NT5DC4: variants seen among roughly 807,000 people sequenced by gnomAD.
NT5DC4 encodes the protein 5'-nucleotidase domain-containing protein 4.
NT5DC4 carries 44 observed loss-of-function variants against 26.6 expected under a neutral mutation model. The ratio of observed to expected loss-of-function variants is 1.65; its 90% CI spans 1.30 to 2.13. The LOEUF is 2.13. Among genes scored for constraint, NT5DC4 ranks in the 30% most tolerant of loss-of-function variants. NT5DC4 has a pLI of 0.00. For synonymous variants in NT5DC4, 157 were observed against 86.7 expected (o/e 1.81, Z -4.51); for missense variants, 399 against 228.1 (o/e 1.75, Z -4.83).
At chr2:112,731,221 T>G (rs1206135854) in intron 16 of NT5DC4, 1 of 151,800 alleles carries the variant, frequency 6.6e-6, no homozygotes, top group Non-Finnish European at 1.5e-5. Context: ...AAAAAGCAAC[T>G]GTATTGAAAT....
chr2:112,734,197 G>GTGTGTGTT (rs1553437338), intron 16 of NT5DC4, among the ~76,000 whole-genome samples: 2 of 151,972 alleles, frequency 1.3e-5, no homozygotes, highest in African/African-American at 4.8e-5. Flanking sequence ...GTGTGTGTGT[G>GTGTGTGTT]TGTGTACATT....
Position 112,726,700 on chromosome 2 carries a change from G to A in NT5DC4, c.1228G>A (p.Glu410Lys). The A allele has an allele frequency of 1.4e-6, 1 of 717,524 alleles. No individual in the cohort carries two copies. The allele number at this position is 717,524 out of a possible 1,614,324, so 44.4% of individuals were successfully genotyped here. A position where few individuals can be genotyped will look rare whatever the true frequency, so the allele number is the denominator to read the frequency against. Residue 410 changes from glutamate (E) to lysine (K), a missense_variant, in exon 15 of 17, where the codon GAG (glutamate) becomes AAG (lysine). By Grantham distance (56) the Glu-to-Lys change is moderately conservative. Transcript: ENST00000688554. ...CAGGCACATGGATGGGAGCAGTTGT[G>A]AGCTGCAAGTCATCAACTTCACCAA... ...IYQHMDGSSC[E>K]LQVINFTKRE...
chr2:112,720,965 C>T (rs775763468), upstream of NT5DC4, among the ~76,000 whole-genome samples: 1 of 152,208 alleles, frequency 6.6e-6, no homozygotes, highest in African/African-American at 2.4e-5. Flanking sequence ...AGGGTGGGGC[C>T]AGCTGGGTCA....
At chr2:112,719,973 TC>T (rs1553430346), upstream of NT5DC4, among the ~76,000 whole-genome samples, 3 of 95,656 alleles carry the variant, frequency 3.1e-5, no homozygotes, top group East Asian at 3.0e-4. Context: ...TTTCTTTCTT[TC>T]TTTCTTTCTT....
At position 112,723,752 on chromosome 2, in the gene NT5DC4, GA is replaced by G; in HGVS notation, c.707del (p.Glu236GlyfsTer20). On this transcript the variant is annotated frameshift_variant, in exon 9 of 17. Transcript: ENST00000688554. LOFTEE classifies it high-confidence loss of function. ...CCCCATCCTGCTGGGGAAGATGAAG[GA>G]GGTTGGGAAAGTGTTTCTGGCCACC... is the stretch of plus-strand genomic sequence containing the variant. Reference protein sequence around the residue: ...RLPILLGKMKEVGKVFLATNS... With the variant: ...RLPILLGKMKXVGKVFLATNS... The G allele has an allele frequency of 1.4e-6, 1 of 717,290 alleles. No homozygotes were observed. The highest frequency in any genetic ancestry group is 2.6e-6 in the Non-Finnish European group (1 of 385,064). The allele number at this position is 717,290 out of a possible 1,614,324, so 44.4% of individuals were successfully genotyped here.
intron 7 of NT5DC4, 116 bp downstream of exon 7, chr2:112,723,290 G>A (rs1677186557): frequency 2.8e-6 from 2 of 706,832 alleles, no homozygotes; most frequent in Non-Finnish European, 5.3e-6. Flanking sequence ...TGAGGACTGA[G>A]GTCTGGTCTG....
upstream of NT5DC4, among the ~76,000 whole-genome samples, chr2:112,719,963 TTTCTTTCTTTC>T (rs1558715343): frequency 4.7e-3 from 616 of 130,166 alleles, 6 homozygotes; most frequent in African/African-American, 6.6e-3. Flanking sequence ...TCTTTCTTTC[TTTCTTTCTTTC>T]TTTCTTTCTT....
At chr2:112,736,496 CTTAT>C (rs761105130) in intron 16 of NT5DC4, 5 of 152,264 alleles carry the variant, frequency 3.3e-5, no homozygotes, top group African/African-American at 7.2e-5. Context: ...CTAAAATCTA[CTTAT>C]TTAACAAAAA....
At chr2:112,729,526 G>A (rs1013300939) in intron 15 of NT5DC4, 101 bp from the exon 16 acceptor site, 2 of 684,494 alleles carry the variant, frequency 2.9e-6, no homozygotes, top group African/African-American at 3.5e-5. Flanking sequence ...TGGGCAGGAA[G>A]TTGGCAGCTG....
At position 112,724,945 on chromosome 2, in the gene NT5DC4, G is replaced by GCAGC. The variant is rs1411483992; in HGVS notation, c.915+41_915+44dup. On this transcript the variant is annotated intron_variant, in intron 11 of 16. Coordinates refer to ENST00000688554, the MANE Select transcript of NT5DC4 (RefSeq NM_001393655.1). ...CACCCATGGACCACGGTTGGGGAGGGCAGCCTGCCTGCCCCTTAGACTTGA... is the reference window on the plus strand; with the variant it reads ...CACCCATGGACCACGGTTGGGGAGGGCAGCCAGCCTGCCTGCCCCTTAGACTTGA... 3 of 713,672 alleles carry GCAGC rather than the reference G, an allele frequency of 4.2e-6. No individual in the cohort carries two copies. In the African/African-American group the frequency reaches 5.2e-5, roughly 12 times the overall value. The allele number at this position is 713,672 out of a possible 1,614,324, so 44.2% of individuals were successfully genotyped here.
rs569486070 is a variant in NT5DC4, at chr2:112,729,967, G to A, written c.1344+263G>A. Among the ~76,000 whole-genome samples, 5 of 151,954 alleles carry A rather than the reference G, an allele frequency of 3.3e-5. No homozygotes were observed. In the East Asian group the frequency reaches 7.7e-4, roughly 23 times the overall value. The stretch of plus-strand genomic sequence containing the variant: ...AAATTATAGAGATGATAATTGTATC[G>A]ATGAATTTCAATTCAGGATGGAAAA... On this transcript the variant is annotated intron_variant, in intron 16 of 16. Coordinates refer to ENST00000688554, the MANE Select transcript of NT5DC4 (RefSeq NM_001393655.1).
At chr2:112,733,350 CACTG>C (rs1419071350) in intron 16 of NT5DC4, among the ~76,000 whole-genome samples, 5 of 149,040 alleles carry the variant, frequency 3.4e-5, no homozygotes, top group Non-Finnish European at 7.4e-5. Flanking sequence ...TGTGTGCAGA[CACTG>C]ACATTCATCT....
chr2:112,722,098 C>T lies in NT5DC4; in HGVS notation c.261C>T (p.Pro87=). ...ILRYTYDPTF[P]TRRLVFDELY... is the part of the protein sequence containing the mutation. Reference sequence around the variant, plus strand: ...GCTACACCTACGACCCCACCTTCCCCACCAGGTGTGTGGCTCAGGACAGGT... The same window carrying T: ...GCTACACCTACGACCCCACCTTCCCTACCAGGTGTGTGGCTCAGGACAGGT... Residue 87 remains proline, a synonymous_variant, in exon 3 of 17, where the codon CCC becomes CCT. Transcript: ENST00000688554. 1.4e-6 allele frequency: 1 copy of T among 717,098 alleles called. No homozygotes were observed. The allele number at this position is 717,098 out of a possible 1,614,324, so 44.4% of individuals were successfully genotyped here. A position where few individuals can be genotyped will look rare whatever the true frequency, so the allele number is the denominator to read the frequency against.
rs543032815 is a variant in NT5DC4 at position 112,724,210 on chromosome 2, C to G, written c.789+84C>G. The G allele has an allele frequency of 1.4e-3, 972 of 712,468 alleles. 3 individuals carry two copies. The highest frequency in any genetic ancestry group is 1.1e-3 in the Non-Finnish European group (409 of 383,980). The allele number at this position is 712,468 out of a possible 1,614,324, so 44.1% of individuals were successfully genotyped here. On this transcript the variant is annotated intron_variant, in intron 10 of 16. Transcript: ENST00000688554. ...CAGGCTGCACCACGATGCTGAGGGC[C>G]TCTCCCACGTCCAGCCTCCCTTTGA...
intron 1 of NT5DC4, chr2:112,721,496 A>G (rs1369360836): frequency 4.2e-6 from 3 of 717,800 alleles, no homozygotes; most frequent in Non-Finnish European, 7.8e-6. Flanking sequence ...CCTCACACCA[A>G]CAACTGCACC....
intron 16 of NT5DC4, chr2:112,731,721 T>C (rs1031442011): frequency 1.3e-5 from 2 of 152,244 alleles, no homozygotes; most frequent in African/African-American, 2.4e-5. Context: ...GTTTACTTTT[T>C]GTCTGTTAGT....
intron 15 of NT5DC4, among the ~76,000 whole-genome samples, chr2:112,727,580 C>T (rs1363444246): frequency 6.6e-6 from 1 of 152,166 alleles, no homozygotes; most frequent in Non-Finnish European, 1.5e-5. Flanking sequence ...TGGAAAGCTG[C>T]AGCGGGGCCT....
At position 112,723,780 on chromosome 2, in the gene NT5DC4, A is replaced by C. The variant is rs764796776; in HGVS notation, c.734A>C (p.Asn245Thr). The C allele has an allele frequency of 2.0e-5, 14 of 716,798 alleles. No homozygotes were observed. Among genetic ancestry groups the C allele is most frequent in the Non-Finnish European group, 3.4e-5 (13 of 384,906 alleles). The allele number at this position is 716,798 out of a possible 1,614,324, so 44.4% of individuals were successfully genotyped here. ...KEVGKVFLAT[N>T]SSYNYTNAIM... ...GTTGGGAAAGTGTTTCTGGCCACCA[A>C]CAGCAGCTACAACTACACCAATGTG... is the stretch of plus-strand genomic sequence containing the variant. Residue 245 changes from asparagine to threonine, a missense_variant, in exon 9 of 17, where the codon AAC (asparagine) becomes ACC (threonine). Transcript: ENST00000688554.
chr2:112,742,698 A>C (rs752569349), downstream of NT5DC4: 1 of 1,558,290 alleles, frequency 6.4e-7, no homozygotes, highest in Non-Finnish European at 8.8e-7. Flanking sequence ...ATTCAAAAAT[A>C]ATAGTACCTT....
Sources: allele counts gnomAD v4.1 joint callset (sites outside exome capture counted in the v4.1 genomes callset), GRCh38; gene constraint gnomAD v4.1.1; transcripts MANE v1.5; gene names NCBI Gene and HGNC (gene_info 2026-07-23, HGNC 2026-07-21).